ADGRE2: variants seen among roughly 807,000 people sequenced by gnomAD.
The protein encoded by ADGRE2 is adhesion G protein-coupled receptor E2.
Under a neutral mutation model 100.8 loss-of-function variants are expected in ADGRE2, and 83 were observed. The observed-to-expected ratio is 0.82, with a 90% confidence interval of 0.69 to 0.99. The LOEUF (loss-of-function observed/expected upper bound fraction) is 0.99. ADGRE2 is among the 50% of genes least tolerant of loss of function. The pLI is 0.00. For synonymous variants in ADGRE2, 355 were observed against 413.0 expected, an observed-to-expected ratio of 0.86 and a Z score of 1.70; for missense variants, 814 against 1,035.7, an observed-to-expected ratio of 0.79 and a Z score of 2.94.
chr19:14,775,074 C>T (rs905804788), intron 2 of ADGRE2, among the ~76,000 whole-genome samples: 1 of 151,826 alleles, frequency 6.6e-6, no homozygotes, highest in Non-Finnish European at 1.5e-5. Flanking sequence ...GCAATCTTGG[C>T]TCACTGCAAT....
downstream of ADGRE2, chr19:14,731,476 G>T: frequency 2.4e-6 from 1 of 423,206 alleles, no homozygotes; most frequent in African/African-American, 2.0e-5. Flanking sequence ...TGCAATGACT[G>T]TTAGATGCAG....
Position 14,767,125 on chromosome 19 carries a change from G to C in ADGRE2, c.356-16C>G. On this transcript the variant is annotated splice_polypyrimidine_tract_variant and intron_variant, in intron 5 of 20. Coordinates refer to ENST00000315576, the MANE Select transcript of ADGRE2 (RefSeq NM_013447.4). ...TCGTCCACATCTGCAAGAGGAAGGA[G>C]AGGGTGAAGAATGCCCGTAGCTGTG... The C allele has an allele frequency of 6.2e-7, 1 of 1,606,506 alleles. No individual in the cohort carries two copies. The highest frequency in any genetic ancestry group is 1.3e-5 in the African/African-American group (1 of 74,322).
At chr19:14,725,173 G>A in the ADGRE2 span, among the ~76,000 whole-genome samples, 1 of 152,098 alleles carries the variant, frequency 6.6e-6, no homozygotes, top group Non-Finnish European at 1.5e-5. Context: ...AGGGGAGATT[G>A]CATGCTCTTT....
chr19:14,740,102 C>CT (rs34772517), intron 20 of ADGRE2, among the ~76,000 whole-genome samples: 44,699 of 140,126 alleles, frequency 0.32, 7,077 homozygotes, highest in Middle Eastern at 0.38. Context: ...GAGACTCTGT[C>CT]TAAAAAAAAA....
At chr19:14,743,818 C>A in intron 18 of ADGRE2, 34 bp from the exon 19 acceptor site, 2 of 1,604,502 alleles carry the variant, frequency 1.2e-6, no homozygotes, top group Non-Finnish European at 8.5e-7. Flanking sequence ...TGGTGATGCA[C>A]CCAGAGAAAG....
downstream of ADGRE2, among the ~76,000 whole-genome samples, chr19:14,730,461 T>C (rs1183515908): frequency 6.6e-6 from 1 of 152,070 alleles, no homozygotes; most frequent in African/African-American, 2.4e-5. Context: ...CCTTCCTCTC[T>C]TTCTTTCACT....
the ADGRE2 span, among the ~76,000 whole-genome samples, chr19:14,726,920 A>C: frequency 5.9e-5 from 9 of 152,008 alleles, no homozygotes; most frequent in Non-Finnish European, 1.2e-4. Context: ...CCTGTTACAC[A>C]GTTCTAAAGC....
At position 14,751,640 on chromosome 19, in the gene ADGRE2, T is replaced by G; in HGVS notation, c.1820A>C (p.His607Pro). ...VLCSIIAGTL[H>P]YLYLATLTWM... ...GGTCAAGGTGGCCAGGTAGAGATAG[T>G]GCAAGGTACCGGCGATGATGGAGCA... is the stretch of plus-strand genomic sequence containing the variant. The change falls in exon 16 of 21, where the codon CAC becomes CCC. Residue 607 changes from histidine (H) to proline (P), a missense_variant. His to Pro is a moderately conservative substitution (Grantham distance 77). Coordinates refer to ENST00000315576, the MANE Select transcript of ADGRE2 (RefSeq NM_013447.4). 1 of 1,613,978 alleles carries G rather than the reference T, an allele frequency of 6.2e-7. No homozygotes were observed.
Position 14,763,813 on chromosome 19 carries a change from C to T in ADGRE2, c.1084+620G>A, listed in dbSNP as rs865924482. Among the ~76,000 whole-genome samples the T allele has an allele frequency of 2.8e-3, 106 of 38,000 alleles. 1 individual carries two copies. Among genetic ancestry groups the T allele is most frequent in the African/African-American group, 8.4e-3 (87 of 10,372 alleles). The allele number at this position is 38,000 out of a possible 152,430, so 24.9% of individuals were successfully genotyped here. On this transcript the variant is annotated intron_variant, in intron 11 of 20. Coordinates refer to ENST00000315576, the MANE Select transcript of ADGRE2 (RefSeq NM_013447.4). Reference sequence around the variant, plus strand: ...CCTCCTCCTCTCTTTCTCCATTCCTCCTCTTCCTCCTCTCCTCCTCCTTCT... The same window carrying T: ...CCTCCTCCTCTCTTTCTCCATTCCTTCTCTTCCTCCTCTCCTCCTCCTTCT...
At position 14,765,674 on chromosome 19, in the gene ADGRE2, CT is replaced by C. The variant is rs2043938384; in HGVS notation, c.764del (p.Lys255ArgfsTer8). 6.2e-7 allele frequency: 1 copy of C among 1,610,028 alleles called. No homozygotes were observed. Among genetic ancestry groups the C allele is most frequent in the Non-Finnish European group, 8.5e-7 (1 of 1,177,870 alleles). On this transcript the variant is annotated frameshift_variant, in exon 8 of 21. Coordinates refer to ENST00000315576, the MANE Select transcript of ADGRE2 (RefSeq NM_013447.4). LOFTEE classifies it high-confidence loss of function. ...KPRHGIPNNQ[K>X]DTVCEDMTFS... Reference sequence around the variant, plus strand: ...AGGTCATACCTTCACAGACAGTGTCCTTTTGGTTATTCGGGATTCCGTGTCT... The same window carrying C: ...AGGTCATACCTTCACAGACAGTGTCCTTTGGTTATTCGGGATTCCGTGTCT...
intron 16 of ADGRE2, among the ~76,000 whole-genome samples, chr19:14,747,997 T>C (rs190939211): frequency 6.6e-6 from 1 of 152,282 alleles, no homozygotes; most frequent in Admixed American, 6.5e-5. Flanking sequence ...TTATTTTAGG[T>C]TCAGAGGTAC....
chr19:14,739,278 T>G (rs1346663235), intron 20 of ADGRE2, among the ~76,000 whole-genome samples: 3 of 152,170 alleles, frequency 2.0e-5, no homozygotes, highest in Admixed American at 2.0e-4. Context: ...CCAAGGCACA[T>G]ACATTTTCAA....
At chr19:14,771,229 C>T (rs1489262158) in intron 5 of ADGRE2, among the ~76,000 whole-genome samples, 1 of 152,198 alleles carries the variant, frequency 6.6e-6, no homozygotes, top group Non-Finnish European at 1.5e-5. Flanking sequence ...TTTCTCTTTA[C>T]AGCAGGGCAG....
intron 20 of ADGRE2, among the ~76,000 whole-genome samples, chr19:14,738,793 T>G (rs977806015): frequency 1.3e-5 from 2 of 152,130 alleles, no homozygotes; most frequent in African/African-American, 4.8e-5. Flanking sequence ...CTTGCTTATA[T>G]AGTTAGTATT....
At chr19:14,777,928 T>A (rs1297456715) in intron 1 of ADGRE2, among the ~76,000 whole-genome samples, 1 of 152,212 alleles carries the variant, frequency 6.6e-6, no homozygotes, top group African/African-American at 2.4e-5. Context: ...AGGTCTTTGC[T>A]ATTGTGAATA....
chr19:14,752,726 T>A (rs547835535), intron 14 of ADGRE2, among the ~76,000 whole-genome samples, 200 bp from the exon 15 acceptor site: 1 of 152,172 alleles, frequency 6.6e-6, no homozygotes, highest in African/African-American at 2.4e-5. Flanking sequence ...ACAGGCGTAG[T>A]CATGTAGGTG....
At chr19:14,740,533 A>G (rs1028600822) in intron 20 of ADGRE2, among the ~76,000 whole-genome samples, 1 of 151,492 alleles carries the variant, frequency 6.6e-6, no homozygotes, top group Non-Finnish European at 1.5e-5. Flanking sequence ...AGGCAGGAGA[A>G]TCGCTTTAAC....
intron 20 of ADGRE2, 105 bp from the exon 21 acceptor site, chr19:14,736,349 C>T (rs1285515113): frequency 1.5e-6 from 1 of 687,674 alleles, no homozygotes; most frequent in African/African-American, 1.8e-5. Context: ...GTAACCCCCG[C>T]CTCCCAGGTT....
Position 14,765,566 on chromosome 19 carries a change from C to G in ADGRE2, c.786G>C (p.Met262Ile). The change falls in exon 9 of 21, where the codon ATG becomes ATC. Residue 262 changes from methionine to isoleucine, a missense_variant. By Grantham distance (10) the Met-to-Ile change is conservative. Coordinates refer to ENST00000315576, the MANE Select transcript of ADGRE2 (RefSeq NM_013447.4). Reference sequence around the variant, plus strand: ...GGGGCGGGGTCCAGGTGGAGAAAGTCATATCTGTAGGGAACAAGACAAGCG... The same window carrying G: ...GGGGCGGGGTCCAGGTGGAGAAAGTGATATCTGTAGGGAACAAGACAAGCG... ...NNQKDTVCED[M>I]TFSTWTPPPG... The G allele has an allele frequency of 6.2e-7, 1 of 1,614,306 alleles. No individual in the cohort carries two copies. Among genetic ancestry groups the G allele is most frequent in the Non-Finnish European group, 8.5e-7 (1 of 1,180,058 alleles).
Sources: allele counts gnomAD v4.1 joint callset (sites outside exome capture counted in the v4.1 genomes callset), GRCh38; gene constraint gnomAD v4.1.1; transcripts MANE v1.5; gene names NCBI Gene and HGNC (gene_info 2026-07-23, HGNC 2026-07-21).